The following LRP1B variants were observed in gnomAD, a reference collection of about 807,000 sequenced individuals.
The protein encoded by LRP1B is low-density lipoprotein receptor-related protein 1B.
LRP1B carries 217 observed loss-of-function variants against 556.6 expected under a neutral mutation model. That is an observed-to-expected ratio of 0.39 (90% CI 0.35 to 0.44). The LOEUF (loss-of-function observed/expected upper bound fraction) is 0.44, where lower values mean the gene tolerates loss of function less well. Among genes scored for constraint, LRP1B ranks in the 20% least tolerant of loss-of-function variants. LRP1B has a pLI of 1.00. For synonymous variants in LRP1B, 2,047 were observed against 1,865.8 expected, an observed-to-expected ratio of 1.10 and a Z score of -2.50; for missense variants, 5,053 against 5,620.8, an observed-to-expected ratio of 0.90 and a Z score of 3.23.
At chr2:140,452,830 A>G (rs1686937840) in intron 62 of LRP1B, among the ~76,000 whole-genome samples, 1 of 151,968 alleles carries the variant, frequency 6.6e-6, no homozygotes, top group African/African-American at 2.4e-5. Context: ...AAAAAATATG[A>G]GTGTGAATTT....
chr2:141,344,112 T>C (rs976784625), intron 3 of LRP1B, among the ~76,000 whole-genome samples: 1 of 152,204 alleles, frequency 6.6e-6, no homozygotes, highest in Non-Finnish European at 1.5e-5. Flanking sequence ...CATTGTTTCA[T>C]GCATTTTGTG....
At chr2:141,920,136 T>C (rs951068114) in intron 1 of LRP1B, among the ~76,000 whole-genome samples, 2 of 151,914 alleles carry the variant, frequency 1.3e-5, no homozygotes, top group African/African-American at 4.8e-5. Context: ...GCACAGTCCA[T>C]ATTACAAATT....
Position 140,700,361 on chromosome 2 carries a change from C to T in LRP1B, c.6688G>A (p.Asp2230Asn), listed in dbSNP as rs1342493879. The change falls in exon 41 of 91, where the codon GAC (aspartate) becomes AAC (asparagine). Residue 2230 changes from aspartate (D) to asparagine (N), a missense_variant. Around this residue, in one of 5 missense-constraint regions of LRP1B, gnomAD observed 3,619 missense variants for 3,931.9 expected, o/e 0.92. Transcript: ENST00000389484. ...GTACCTTTTCTTCTTTGATTATAGT[C>T]AAAAGCCAAGGCTATGACATTCTTG... Reference protein sequence around the residue: ...YFKNVIALAFDYNQRRKGTNR... With the variant: ...YFKNVIALAFNYNQRRKGTNR... 2 of 1,613,104 alleles carry T rather than the reference C, an allele frequency of 1.2e-6. No homozygotes were observed. The highest frequency in any genetic ancestry group is 1.7e-6 in the Non-Finnish European group (2 of 1,179,580).
intron 43 of LRP1B, among the ~76,000 whole-genome samples, chr2:140,586,223 T>C (rs1281267564): frequency 6.6e-6 from 1 of 152,210 alleles, no homozygotes; most frequent in African/African-American, 2.4e-5. Context: ...GCTGGGTATC[T>C]TGGGACCAAG....
chr2:140,481,459 G>A (rs987451780), intron 59 of LRP1B, among the ~76,000 whole-genome samples: 7 of 151,844 alleles, frequency 4.6e-5, no homozygotes, highest in African/African-American at 1.7e-4. Flanking sequence ...AAACTATAAG[G>A]AAAGTAATAC....
At chr2:140,702,898 C>T (rs1036175344) in intron 37 of LRP1B, among the ~76,000 whole-genome samples, 3 of 151,968 alleles carry the variant, frequency 2.0e-5, no homozygotes, top group South Asian at 4.2e-4. Context: ...CTGTGTCTTC[C>T]CTGTACCATG....
intron 35 of LRP1B, among the ~76,000 whole-genome samples, chr2:140,718,973 T>A (rs534665202): frequency 6.7e-4 from 102 of 152,260 alleles, no homozygotes; most frequent in African/African-American, 2.2e-3. Context: ...TCTTTTACCA[T>A]GCTCTATTCT....
At chr2:140,302,381 A>G (rs1683872289) in intron 83 of LRP1B, among the ~76,000 whole-genome samples, 1 of 152,202 alleles carries the variant, frequency 6.6e-6, no homozygotes, top group East Asian at 1.9e-4. Context: ...CTAAAAGAGT[A>G]AACTTTGTCC....
chr2:142,098,212 AAT>A (rs1252879172), intron 1 of LRP1B, among the ~76,000 whole-genome samples: 1 of 151,754 alleles, frequency 6.6e-6, no homozygotes, highest in Non-Finnish European at 1.5e-5. Context: ...GGATCCAGAA[AAT>A]ATGTTTTCAA....
intron 1 of LRP1B, among the ~76,000 whole-genome samples, chr2:141,992,441 T>A (rs1177974334): frequency 6.6e-6 from 1 of 152,132 alleles, no homozygotes; most frequent in Non-Finnish European, 1.5e-5. Context: ...AGGCCTGACT[T>A]TTTTACCACA....
intron 7 of LRP1B, among the ~76,000 whole-genome samples, chr2:141,079,982 C>G (rs1474277461): frequency 6.6e-6 from 1 of 152,142 alleles, no homozygotes; most frequent in African/African-American, 2.4e-5. Flanking sequence ...ATTTTTATGC[C>G]AATATGCTCC....
chr2:141,450,456 T>C (rs1681375133), intron 3 of LRP1B, among the ~76,000 whole-genome samples: 1 of 152,120 alleles, frequency 6.6e-6, no homozygotes, highest in Non-Finnish European at 1.5e-5. Context: ...TTGATGTGTA[T>C]AAAGTACTTA....
rs1267647416 is a variant in LRP1B at position 140,322,003 on chromosome 2, T to C, written c.12600A>G (p.Lys4200=). The change falls in exon 82 of 91, where the codon AAA becomes AAG. Residue 4200 remains lysine (K), a synonymous_variant. Transcript: ENST00000389484. ...CATTGCAGGTGCCATTAATCAAATA[T>C]TTTCCTTCTGGACACACACAAGTGG... ...SGATCVCPEG[K]YLINGTCNDD... is the part of the protein sequence containing the mutation. The C allele has an allele frequency of 6.2e-7, 1 of 1,612,986 alleles. No homozygotes were observed. The highest frequency in any genetic ancestry group is 1.3e-5 in the African/African-American group (1 of 74,808).
intron 41 of LRP1B, among the ~76,000 whole-genome samples, chr2:140,669,789 T>C (rs1213188090): frequency 1.3e-5 from 2 of 152,106 alleles, no homozygotes; most frequent in African/African-American, 4.8e-5. Flanking sequence ...GTCCTAAAAA[T>C]TGTTTAGATT....
intron 79 of LRP1B, among the ~76,000 whole-genome samples, chr2:140,332,832 G>C (rs1159188000): frequency 6.6e-6 from 1 of 151,972 alleles, no homozygotes; most frequent in Non-Finnish European, 1.5e-5. Context: ...TAAGTACCGT[G>C]CTACAGGTAA....
intron 10 of LRP1B, among the ~76,000 whole-genome samples, chr2:141,051,967 A>G (rs1699048689): frequency 6.6e-6 from 1 of 151,202 alleles, no homozygotes; most frequent in Admixed American, 6.6e-5. Flanking sequence ...CTCTGCTCTT[A>G]TTGTTTAATT....
intron 18 of LRP1B, among the ~76,000 whole-genome samples, chr2:140,964,515 T>C (rs1041427928): frequency 6.6e-6 from 1 of 151,914 alleles, no homozygotes; most frequent in Non-Finnish European, 1.5e-5. Context: ...TCCCAGACGC[T>C]GATGTCACCG....
intron 1 of LRP1B, among the ~76,000 whole-genome samples, chr2:141,944,802 G>A (rs906581632): frequency 6.6e-6 from 1 of 152,126 alleles, no homozygotes; most frequent in Non-Finnish European, 1.5e-5. Context: ...CATCTTTGTG[G>A]TTTTGAATTC....
intron 3 of LRP1B, 44 bp downstream of exon 3, chr2:141,480,352 T>C (rs778700827): frequency 1.4e-5 from 22 of 1,608,150 alleles, no homozygotes; most frequent in Non-Finnish European, 1.8e-5. Flanking sequence ...CATTACTATG[T>C]AAAATTTAAT....
Sources: allele counts gnomAD v4.1 joint callset (sites outside exome capture counted in the v4.1 genomes callset), GRCh38; gene constraint gnomAD v4.1.1; regional missense constraint gnomAD v4.1.1; transcripts MANE v1.5; gene names NCBI Gene and HGNC (gene_info 2026-07-23, HGNC 2026-07-21).